MC2R: variants seen among roughly 807,000 people sequenced by gnomAD.
The protein encoded by MC2R is melanocortin 2 receptor.
A neutral mutation model predicts 9.8 loss-of-function variants in MC2R; 9 were observed. That is an observed-to-expected ratio of 0.92 (90% CI 0.55 to 1.60). MC2R has a LOEUF of 1.60. MC2R is among the 40% of genes most tolerant of loss of function. The pLI is 0.00. For missense variants in MC2R, 370 were observed against 389.0 expected (o/e 0.95, Z 0.41); for synonymous variants, 185 against 154.7 (o/e 1.20, Z -1.45).
chr18:13,893,218 CT>C (rs1479301526), intron 1 of MC2R, among the ~76,000 whole-genome samples: 1 of 152,186 alleles, frequency 6.6e-6, no homozygotes, highest in Non-Finnish European at 1.5e-5. Context: ...GTTTATATGT[CT>C]GCATGATTCA....
At chr18:13,892,939 G>A (rs1019723059) in intron 1 of MC2R, among the ~76,000 whole-genome samples, 19 of 152,068 alleles carry the variant, frequency 1.2e-4, no homozygotes, top group African/African-American at 2.7e-4. Flanking sequence ...TGATTGTCTC[G>A]CCTCAGCTTC....
intron 1 of MC2R, among the ~76,000 whole-genome samples, chr18:13,895,262 T>C (rs1400763706): frequency 6.6e-6 from 1 of 152,218 alleles, no homozygotes; most frequent in African/African-American, 2.4e-5. Context: ...AGAGCTTACA[T>C]TTCAGTGGAT....
chr18:13,891,056 C>T (rs997538507), intron 1 of MC2R, among the ~76,000 whole-genome samples: 1 of 152,140 alleles, frequency 6.6e-6, no homozygotes, highest in Non-Finnish European at 1.5e-5. Flanking sequence ...CCAAAGCTGC[C>T]CATGAATATT....
rs752860797 is a variant in MC2R, at chr18:13,884,604, T to C, written c.*21A>G. 6.2e-7 allele frequency: 1 copy of C among 1,610,122 alleles called. No individual in the cohort carries two copies. The highest frequency in any genetic ancestry group is 1.1e-5 in the South Asian group (1 of 90,992). On this transcript the variant is annotated 3_prime_UTR_variant, in exon 2 of 2. Coordinates refer to ENST00000327606, the MANE Select transcript of MC2R (RefSeq NM_000529.2). ...TTGGCAACGTTATTCCCATGGATTCTAAAACCAGGGATCAGCCATTCTACC... is the reference window on the plus strand; with the variant it reads ...TTGGCAACGTTATTCCCATGGATTCCAAAACCAGGGATCAGCCATTCTACC...
At position 13,885,386 on chromosome 18, in the gene MC2R, C is replaced by T. The variant is rs148298654; in HGVS notation, c.133G>A (p.Val45Ile). 2,236 of 1,614,074 alleles carry T rather than the reference C, an allele frequency of 1.4e-3. 1 individual carries two copies. The highest frequency in any genetic ancestry group is 1.7e-3 in the Non-Finnish European group (1,975 of 1,179,984). ...SIVGVLENLIVLLAVFKNKNL... is the reference protein window; with the variant it reads ...SIVGVLENLIILLAVFKNKNL... ...TTATTCTTGAACACAGCCAGCAGGACGATCAGATTCTCCAAAACTCCAACA... is the reference window on the plus strand; with the variant it reads ...TTATTCTTGAACACAGCCAGCAGGATGATCAGATTCTCCAAAACTCCAACA... Residue 45 changes from valine to isoleucine, a missense_variant, in exon 2 of 2, where the codon GTC (valine) becomes ATC (isoleucine). By Grantham distance (29) the Val-to-Ile change is conservative. Coordinates refer to ENST00000327606, the MANE Select transcript of MC2R (RefSeq NM_000529.2).
intron 1 of MC2R, among the ~76,000 whole-genome samples, chr18:13,905,116 T>C (rs545638099): frequency 6.6e-6 from 1 of 152,148 alleles, no homozygotes; most frequent in Non-Finnish European, 1.5e-5. Flanking sequence ...CAGAATAGGA[T>C]AAATTTTTTG....
intron 1 of MC2R, among the ~76,000 whole-genome samples, chr18:13,901,087 C>T (rs1430337089): frequency 1.3e-5 from 2 of 152,020 alleles, no homozygotes; most frequent in Non-Finnish European, 2.9e-5. Context: ...AAGTTAATAA[C>T]AGGAGGAATT....
intron 1 of MC2R, among the ~76,000 whole-genome samples, chr18:13,913,692 C>T (rs557328746): frequency 2.6e-5 from 4 of 152,336 alleles, no homozygotes; most frequent in African/African-American, 7.2e-5. Flanking sequence ...CTGGACACGT[C>T]CTTCCTCACT....
At chr18:13,892,789 G>A (rs2045323191) in intron 1 of MC2R, among the ~76,000 whole-genome samples, 1 of 145,252 alleles carries the variant, frequency 6.9e-6, no homozygotes, top group South Asian at 2.2e-4. Flanking sequence ...TAGAGATGGA[G>A]ATAGACATAA....
chr18:13,911,093 T>C (rs908493638), intron 1 of MC2R, among the ~76,000 whole-genome samples: 2 of 152,060 alleles, frequency 1.3e-5, no homozygotes, highest in Non-Finnish European at 2.9e-5. Context: ...TAGGTGAGAG[T>C]GCGAAGCAGC....
At chr18:13,896,757 A>T (rs1472310206) in intron 1 of MC2R, among the ~76,000 whole-genome samples, 4 of 152,254 alleles carry the variant, frequency 2.6e-5, no homozygotes. Context: ...GCCTTGAACA[A>T]ATAATCAATG....
Position 13,884,651 on chromosome 18 carries a change from T to A in MC2R, c.868A>T (p.Met290Leu). 11 of 1,613,438 alleles carry A rather than the reference T, an allele frequency of 6.8e-6. No individual in the cohort carries two copies. The highest frequency in any genetic ancestry group is 9.3e-6 in the Non-Finnish European group (11 of 1,180,032). The change falls in exon 2 of 2, where the codon ATG (methionine) becomes TTG (leucine). Residue 290 changes from methionine (M) to leucine (L), a missense_variant. Met to Leu is a conservative substitution (Grantham distance 15). Coordinates refer to ENST00000327606, the MANE Select transcript of MC2R (RefSeq NM_000529.2). ...TACCAGTACCTGCTGCAGAAGATCA[T>A]CTTTTTGAATGCGTCCCTGAGCTCT... ...SPELRDAFKK[M>L]IFCSRYW
In MC2R at chr18:13,885,308, T is replaced by G. The variant is rs2045268976; in HGVS notation, c.211A>C (p.Met71Leu). 2 of 1,614,154 alleles carry G rather than the reference T, an allele frequency of 1.2e-6. No homozygotes were observed. The highest frequency in any genetic ancestry group is 1.7e-6 in the Non-Finnish European group (2 of 1,180,030). The part of the protein sequence containing the change: ...FFICSLAISD[M>L]LGSLYKILEN... The stretch of plus-strand genomic sequence containing the variant: ...AAGATCTTATATAGGCTGCCCAGCA[T>G]ATCAGATATGGCCAAGCTACAGATG... The change falls in exon 2 of 2, where the codon ATG (methionine) becomes CTG (leucine). Residue 71 changes from methionine (M) to leucine (L), a missense_variant. Transcript: ENST00000327606.
At chr18:13,900,039 A>G (rs1290058686) in intron 1 of MC2R, among the ~76,000 whole-genome samples, 1 of 152,302 alleles carries the variant, frequency 6.6e-6, no homozygotes, top group African/African-American at 2.4e-5. Context: ...AAATATAATA[A>G]CTACAACAAA....
At chr18:13,913,758 G>A (rs887829347) in intron 1 of MC2R, among the ~76,000 whole-genome samples, 4 of 152,216 alleles carry the variant, frequency 2.6e-5, no homozygotes, top group East Asian at 1.9e-4. Context: ...CACTGCCCCC[G>A]CATCCCAAGG....
intron 1 of MC2R, among the ~76,000 whole-genome samples, chr18:13,912,036 G>A (rs2045447636): frequency 6.6e-6 from 1 of 152,082 alleles, no homozygotes. Context: ...ACTTACGAGT[G>A]CTTTAGGTAA....
At chr18:13,913,530 C>T (rs1348108833) in intron 1 of MC2R, among the ~76,000 whole-genome samples, 1 of 152,224 alleles carries the variant, frequency 6.6e-6, no homozygotes, top group Non-Finnish European at 1.5e-5. Flanking sequence ...TGAGAACTTA[C>T]TTTAAAACCA....
At chr18:13,899,865 C>T (rs937708597) in intron 1 of MC2R, among the ~76,000 whole-genome samples, 6 of 152,084 alleles carry the variant, frequency 3.9e-5, no homozygotes, top group Non-Finnish European at 8.8e-5. Flanking sequence ...AAAGGGAGTA[C>T]TTCAATCAGA....
At chr18:13,893,078 T>C (rs2045326470) in intron 1 of MC2R, among the ~76,000 whole-genome samples, 1 of 152,270 alleles carries the variant, frequency 6.6e-6, no homozygotes, top group African/African-American at 2.4e-5. Flanking sequence ...TGCAGTGAAC[T>C]ATTTTCTCCT....
Sources: allele counts gnomAD v4.1 joint callset (sites outside exome capture counted in the v4.1 genomes callset), GRCh38; gene constraint gnomAD v4.1.1; transcripts MANE v1.5; gene names NCBI Gene and HGNC (gene_info 2026-07-23, HGNC 2026-07-21).